The following CHPT1 variants were observed in gnomAD, a reference collection of about 807,000 sequenced individuals.
CHPT1 encodes the protein choline phosphotransferase 1.
Under a neutral mutation model 47.6 loss-of-function variants are expected in CHPT1, and 36 were observed. That is an observed-to-expected ratio of 0.76 (90% CI 0.58 to 1.00). The LOEUF is 1.00. Ranked by LOEUF, CHPT1 falls within the 50% of genes least tolerant of loss-of-function variation. CHPT1 has a pLI of 0.00. For missense variants in CHPT1, 458 were observed against 498.1 expected (o/e 0.92, Z 0.77); for synonymous variants, 194 against 186.3 (o/e 1.04, Z -0.33).
chr12:101,714,870 A>G (rs1422725030), intron 3 of CHPT1: 1 of 366,144 alleles, frequency 2.7e-6, no homozygotes, highest in East Asian at 4.9e-5. Context: ...CCTCTTCTCC[A>G]ACTTAATCAT....
In CHPT1 at chr12:101,697,980, C is replaced by A. The variant is rs200222128; in HGVS notation, c.119C>A (p.Ser40Ter). ...CACCGCTACAGCGCGGCGGGCGTCT[C>A]GCTGCTCGAGCCGCCGCTGCAGCTC... ...EEHRYSAAGV[S>*]LLEPPLQLYW... The change falls in exon 1 of 9, where the codon TCG (serine) becomes TAG (stop). Residue 40 changes from serine to a stop codon, truncating the protein, a stop_gained. Transcript: ENST00000229266. LOFTEE classifies it high-confidence loss of function. 4.6e-6 allele frequency: 7 copies of A among 1,517,862 alleles called. No homozygotes were observed. Among genetic ancestry groups the A allele is most frequent in the African/African-American group, 2.9e-5 (2 of 69,822 alleles). The allele number at this position is 1,517,862 out of a possible 1,614,324, so 94.0% of individuals were successfully genotyped here.
intron 1 of CHPT1, among the ~76,000 whole-genome samples, chr12:101,703,318 C>T (rs1951580914): frequency 6.6e-6 from 1 of 152,008 alleles, no homozygotes; most frequent in Admixed American, 6.6e-5. Flanking sequence ...CAACAAGAAC[C>T]CTAATAAGTA....
Sources: allele counts gnomAD v4.1 joint callset (sites outside exome capture counted in the v4.1 genomes callset), GRCh38; gene constraint gnomAD v4.1.1; transcripts MANE v1.5; gene names NCBI Gene and HGNC (gene_info 2026-07-23, HGNC 2026-07-21).